Variants in BMP7 observed in about 807,000 individuals in gnomAD.
BMP7 encodes osteogenic protein 1.
Under a neutral mutation model 41.2 loss-of-function variants are expected in BMP7, and 12 were observed. That is an observed-to-expected ratio of 0.29 (90% CI 0.19 to 0.47). The LOEUF (loss-of-function observed/expected upper bound fraction) is 0.47, where lower values mean the gene tolerates loss of function less well. Among genes scored for constraint, BMP7 ranks in the 20% least tolerant of loss-of-function variants. The probability of loss-of-function intolerance (pLI) is 0.99; values close to 1 mark genes in which losing one functional copy is unlikely to be tolerated. For missense variants in BMP7, 467 were observed against 606.0 expected, an observed-to-expected ratio of 0.77 and a Z score of 2.41; for synonymous variants, 248 against 250.0, an observed-to-expected ratio of 0.99 and a Z score of 0.07.
At chr20:57,196,025 C>G (rs974844270) in intron 3 of BMP7, among the ~76,000 whole-genome samples, 1 of 152,108 alleles carries the variant, frequency 6.6e-6, no homozygotes, top group Admixed American at 6.5e-5. Context: ...AAGGGCTCCC[C>G]GATCATCTTC....
At chr20:57,204,376 C>A (rs1243628455) in intron 2 of BMP7, among the ~76,000 whole-genome samples, 3 of 152,196 alleles carry the variant, frequency 2.0e-5, no homozygotes, top group Non-Finnish European at 4.4e-5. Flanking sequence ...CTGCTGCATG[C>A]CATAATATGT....
At chr20:57,206,903 C>A (rs532561279) in intron 2 of BMP7, among the ~76,000 whole-genome samples, 31 of 152,338 alleles carry the variant, frequency 2.0e-4, no homozygotes, top group African/African-American at 7.2e-4. Flanking sequence ...AGTCAACAGA[C>A]CACTTGTCCA....
At chr20:57,219,163 C>CTCTT (rs1555814946) in intron 2 of BMP7, among the ~76,000 whole-genome samples, 3 of 129,930 alleles carry the variant, frequency 2.3e-5, no homozygotes, top group Non-Finnish European at 4.5e-5. Context: ...TCAGTGGTAG[C>CTCTT]TGTTCGGTGG....
At chr20:57,181,973 G>A (rs1369149297) in intron 4 of BMP7, among the ~76,000 whole-genome samples, 2 of 152,228 alleles carry the variant, frequency 1.3e-5, no homozygotes, top group Non-Finnish European at 2.9e-5. Flanking sequence ...ATCTTGGAGA[G>A]GCTATTGCCC....
chr20:57,247,429 G>A (rs1274595703), intron 1 of BMP7, among the ~76,000 whole-genome samples: 1 of 152,180 alleles, frequency 6.6e-6, no homozygotes, highest in Non-Finnish European at 1.5e-5. Context: ...AGACAATGGG[G>A]ACGAGAACAG....
At chr20:57,173,750 G>A (rs1329134825) in intron 5 of BMP7, among the ~76,000 whole-genome samples, 5 of 152,128 alleles carry the variant, frequency 3.3e-5, no homozygotes, top group African/African-American at 4.8e-5. Flanking sequence ...AGGAGCCTCC[G>A]GTGTGAGGCA....
chr20:57,186,372 A>G (rs1984212070), intron 3 of BMP7, among the ~76,000 whole-genome samples: 1 of 152,254 alleles, frequency 6.6e-6, no homozygotes, highest in Admixed American at 6.5e-5. Flanking sequence ...GTTGCTCTGC[A>G]GATGGACCTA....
At chr20:57,246,600 C>T (rs2066091575) in intron 1 of BMP7, among the ~76,000 whole-genome samples, 2 of 152,164 alleles carry the variant, frequency 1.3e-5, no homozygotes, top group African/African-American at 2.4e-5. Flanking sequence ...GGCCAACTAC[C>T]GCTCTCTGCT....
At chr20:57,206,569 C>T (rs1462449262) in intron 2 of BMP7, among the ~76,000 whole-genome samples, 1 of 152,168 alleles carries the variant, frequency 6.6e-6, no homozygotes, top group Non-Finnish European at 1.5e-5. Flanking sequence ...GTCATCACAG[C>T]GTTGTGTGGG....
At chr20:57,186,285 G>A (rs1258657393) in intron 3 of BMP7, among the ~76,000 whole-genome samples, 1 of 152,188 alleles carries the variant, frequency 6.6e-6, no homozygotes, top group Non-Finnish European at 1.5e-5. Context: ...CGCTTGGGCA[G>A]GAAGAATGGG....
At chr20:57,175,467 G>C (rs1001098005) in intron 4 of BMP7, among the ~76,000 whole-genome samples, 3 of 152,180 alleles carry the variant, frequency 2.0e-5, no homozygotes, top group Admixed American at 2.0e-4. Flanking sequence ...AAGAGGATGC[G>C]GGACAGGGCC....
intron 3 of BMP7, among the ~76,000 whole-genome samples, chr20:57,197,509 AG>A (rs1253059379): frequency 6.6e-6 from 1 of 152,060 alleles, no homozygotes; most frequent in East Asian, 1.9e-4. Context: ...GCAAAGAGGA[AG>A]GGAGTTGGAG....
chr20:57,261,189 G>C lies in BMP7; in HGVS notation c.418+4516C>G, dbSNP rs148647683. Among the ~76,000 whole-genome samples the C allele has an allele frequency of 6.6e-6, 1 of 152,174 alleles. No individual in the cohort carries two copies. Reference sequence around the variant, plus strand: ...ATCGCGCACCAGCTGTGTTTATCTCGGCAAAGGCTTGAGAGCCTACTACGC... The same window carrying C: ...ATCGCGCACCAGCTGTGTTTATCTCCGCAAAGGCTTGAGAGCCTACTACGC... On this transcript the variant is annotated intron_variant, in intron 1 of 6. Coordinates refer to ENST00000395863, the MANE Select transcript of BMP7 (RefSeq NM_001719.3). This position sits in a 1 kb window ranked among gnomAD's most constrained non-coding sequence, Gnocchi z 4.1.
At chr20:57,209,926 A>G (rs1312485764) in intron 2 of BMP7, among the ~76,000 whole-genome samples, 2 of 152,144 alleles carry the variant, frequency 1.3e-5, no homozygotes, top group Non-Finnish European at 2.9e-5. Flanking sequence ...AGCAGAACAA[A>G]CCTAGGTGAG....
intron 1 of BMP7, among the ~76,000 whole-genome samples, chr20:57,237,427 C>A (rs1393868997): frequency 1.3e-5 from 2 of 152,222 alleles, no homozygotes; most frequent in Non-Finnish European, 2.9e-5. Flanking sequence ...CCAGAACTCA[C>A]TGGAGCTGAC....
chr20:57,256,222 C>T (rs1052660630), intron 1 of BMP7, among the ~76,000 whole-genome samples: 3 of 152,190 alleles, frequency 2.0e-5, no homozygotes, highest in Non-Finnish European at 4.4e-5. Context: ...AATTGTTATG[C>T]AAATTCCAAC....
chr20:57,251,676 G>A (rs1435582456), intron 1 of BMP7, among the ~76,000 whole-genome samples: 1 of 152,210 alleles, frequency 6.6e-6, no homozygotes, highest in Non-Finnish European at 1.5e-5. Flanking sequence ...GCTCACGCCT[G>A]TAATCCCAGT....
Position 57,170,808 on chromosome 20 carries a change from CT to C in BMP7, c.*150del. The C allele has an allele frequency of 1.0e-6, 1 of 1,000,394 alleles. No individual in the cohort carries two copies. Among genetic ancestry groups the C allele is most frequent in the Non-Finnish European group, 1.5e-6 (1 of 663,988 alleles). The allele number at this position is 1,000,394 out of a possible 1,614,324, so 62.0% of individuals were successfully genotyped here. ...AAAACTGATCAAAAGCCATATGCTG[CT>C]CATGTTTCCTAATACTCTCACACCT... On this transcript the variant is annotated 3_prime_UTR_variant, in exon 7 of 7. Transcript: ENST00000395863.
Position 57,171,380 on chromosome 20 carries a change from A to G in BMP7, c.1147-272T>C, listed in dbSNP as rs1013957412. Among the ~76,000 whole-genome samples the G allele has an allele frequency of 5.3e-5, 8 of 152,302 alleles. No homozygotes were observed. Among genetic ancestry groups the G allele is most frequent in the Middle Eastern group, 3.4e-3 (1 of 294 alleles). On this transcript the variant is annotated intron_variant, in intron 6 of 6. Coordinates refer to ENST00000395863, the MANE Select transcript of BMP7 (RefSeq NM_001719.3). This position sits in a 1 kb window ranked among gnomAD's most constrained non-coding sequence, Gnocchi z 4.5. ...CCAGATCCGACATTCAGGACCAGGT[A>G]ATTCTCTGTTGGGGAACTGCCCTGT...
Sources: allele counts gnomAD v4.1 joint callset (sites outside exome capture counted in the v4.1 genomes callset), GRCh38; gene constraint gnomAD v4.1.1; non-coding constraint Gnocchi (gnomAD v3.1); transcripts MANE v1.5; gene names NCBI Gene and HGNC (gene_info 2026-07-23, HGNC 2026-07-21).